GABRG1: variants seen among roughly 807,000 people sequenced by gnomAD.
GABRG1 encodes gamma-aminobutyric acid type A receptor subunit gamma1.
Under a neutral mutation model 49.8 loss-of-function variants are expected in GABRG1, and 49 were observed. The ratio of observed to expected loss-of-function variants is 0.98; its 90% CI spans 0.78 to 1.25. The LOEUF (loss-of-function observed/expected upper bound fraction) is 1.25, where lower values mean the gene tolerates loss of function less well. Ranked by LOEUF, GABRG1 falls within the 50% of genes most tolerant of loss-of-function variation. The probability of loss-of-function intolerance (pLI) is 0.00; values close to 1 mark genes in which losing one functional copy is unlikely to be tolerated. For missense variants in GABRG1, 552 were observed against 552.3 expected (o/e 1.00, Z 0.01); for synonymous variants, 232 against 185.1 (o/e 1.25, Z -2.06).
intron 5 of GABRG1, among the ~76,000 whole-genome samples, chr4:46,059,880 A>C (rs563163738): frequency 6.6e-6 from 1 of 152,274 alleles, no homozygotes; most frequent in African/African-American, 2.4e-5. Context: ...TATGTTTATT[A>C]GAATTTTGGA....
At chr4:46,104,378 T>A (rs192581090) in intron 1 of GABRG1, among the ~76,000 whole-genome samples, 98 of 151,656 alleles carry the variant, frequency 6.5e-4, no homozygotes, top group Non-Finnish European at 5.3e-4. Flanking sequence ...GCCTCAGATA[T>A]TATAAATGTT....
chr4:46,090,955 TACACAC>T (rs61288916), intron 2 of GABRG1, among the ~76,000 whole-genome samples: 2,976 of 131,132 alleles, frequency 0.023, 43 homozygotes, highest in Middle Eastern at 0.081. Flanking sequence ...CACACACACA[TACACAC>T]ACACACACAC....
intron 8 of GABRG1, among the ~76,000 whole-genome samples, chr4:46,048,408 AAG>A (rs1172267532): frequency 6.7e-6 from 1 of 150,254 alleles, no homozygotes; most frequent in Non-Finnish European, 1.5e-5. Flanking sequence ...GGAAGGAAGG[AAG>A]GAAGGAAGGA....
intron 2 of GABRG1, among the ~76,000 whole-genome samples, chr4:46,091,069 T>C (rs1577658984): frequency 6.6e-6 from 1 of 152,000 alleles, no homozygotes; most frequent in East Asian, 1.9e-4. Context: ...ACGTATGTGA[T>C]GTTGACAAAC....
chr4:46,043,210 AGTT>A (rs747104591), intron 8 of GABRG1, among the ~76,000 whole-genome samples: 11 of 152,028 alleles, frequency 7.2e-5, no homozygotes, highest in Non-Finnish European at 1.3e-4. Context: ...AGAGGATATT[AGTT>A]GTTCATGAGA....
chr4:46,108,169 T>C (rs970341451), intron 1 of GABRG1, among the ~76,000 whole-genome samples: 4 of 151,080 alleles, frequency 2.6e-5, no homozygotes, highest in Non-Finnish European at 4.5e-5. Context: ...ACATATAGTA[T>C]TGGGGAATTT....
rs746436237 is a variant in GABRG1, at chr4:46,123,850, T to A, written c.64A>T (p.Arg22Trp). ...FLLRSQSRGV[R>W]LVFLLLTLHL... ...AGGGTCAGTAACAAGAAGACCAACC[T>A]CACCCCTCTACTTTGACTCCGCAGA... is the stretch of plus-strand genomic sequence containing the variant. Residue 22 changes from arginine (R) to tryptophan (W), a missense_variant, in exon 1 of 9, where the codon AGG becomes TGG. Physicochemically the swap from Arg to Trp is moderately radical, Grantham distance 101 (BLOSUM62 -3). Coordinates refer to ENST00000295452, the MANE Select transcript of GABRG1 (RefSeq NM_173536.4). 6.2e-7 allele frequency: 1 copy of A among 1,613,644 alleles called. No homozygotes were observed. The highest frequency in any genetic ancestry group is 8.5e-7 in the Non-Finnish European group (1 of 1,179,762).
intron 8 of GABRG1, among the ~76,000 whole-genome samples, chr4:46,046,012 C>A (rs1283033102): frequency 6.6e-6 from 1 of 151,992 alleles, no homozygotes; most frequent in Non-Finnish European, 1.5e-5. Flanking sequence ...ATAATAATTA[C>A]AAGAATGTAA....
At chr4:46,102,070 A>C (rs1471467246) in intron 1 of GABRG1, among the ~76,000 whole-genome samples, 1 of 151,690 alleles carries the variant, frequency 6.6e-6, no homozygotes, top group African/African-American at 2.4e-5. Context: ...CTAAGAATGA[A>C]CTTCTTCTTA....
intron 1 of GABRG1, 142 bp from the exon 2 acceptor site, chr4:46,097,491 A>T: frequency 1.4e-6 from 1 of 701,142 alleles, no homozygotes; most frequent in Non-Finnish European, 2.2e-6. Flanking sequence ...ATTTAGTAAG[A>T]CCAATACATT....
chr4:46,101,354 G>A (rs969910686), intron 1 of GABRG1, among the ~76,000 whole-genome samples: 2 of 151,440 alleles, frequency 1.3e-5, no homozygotes, highest in African/African-American at 4.8e-5. Flanking sequence ...GTTCGGTTTT[G>A]AATTTCCTAA....
chr4:46,069,142 T>A (rs369144175), intron 3 of GABRG1, among the ~76,000 whole-genome samples: 3 of 152,106 alleles, frequency 2.0e-5, no homozygotes, highest in East Asian at 3.8e-4. Context: ...TCAATATTAC[T>A]GTCTTTCTAG....
chr4:46,100,248 A>C (rs1425447269), intron 1 of GABRG1, among the ~76,000 whole-genome samples: 1 of 151,608 alleles, frequency 6.6e-6, no homozygotes, highest in African/African-American at 2.4e-5. Context: ...ACATGTTCTC[A>C]TTTATAAGTT....
chr4:46,047,784 A>G (rs1718060219), intron 8 of GABRG1, among the ~76,000 whole-genome samples: 1 of 151,976 alleles, frequency 6.6e-6, no homozygotes, highest in African/African-American at 2.4e-5. Context: ...TCCTTGTTTA[A>G]TTTTGATCTT....
intron 3 of GABRG1, among the ~76,000 whole-genome samples, chr4:46,080,565 G>A (rs1398375594): frequency 6.6e-6 from 1 of 151,676 alleles, no homozygotes; most frequent in African/African-American, 2.4e-5. Context: ...AAGGTTACAA[G>A]TGTGTAATTT....
intron 7 of GABRG1, 28 bp from the exon 8 acceptor site, chr4:46,051,666 A>T (rs1718229311): frequency 7.4e-7 from 1 of 1,352,808 alleles, no homozygotes; most frequent in South Asian, 1.3e-5. Flanking sequence ...AAAACAGGAA[A>T]TGAAAATTAA....
At chr4:46,060,438 C>T (rs560521719) in intron 5 of GABRG1, among the ~76,000 whole-genome samples, 4 of 152,130 alleles carry the variant, frequency 2.6e-5, no homozygotes, top group African/African-American at 7.2e-5. Flanking sequence ...AGGTCAAAAT[C>T]GGCTGCAACT....
rs1560351311 is a variant in GABRG1, at chr4:46,056,145, AT to A, written c.916+2071del. 3.5e-3 allele frequency among the ~76,000 whole-genome samples: 63 copies of A among 17,854 alleles called. 2 individuals are homozygous for A. The highest frequency in any genetic ancestry group is 0.011 in the African/African-American group (16 of 1,514). 11.7% of individuals were successfully genotyped at this position (17,854 alleles called of 152,430 possible). ...AAAGGAAAAAAAAAAAAATAAATAA[AT>A]AAATTAAAAAAAAAAAAAAAAAAAA... is the stretch of plus-strand genomic sequence containing the variant. On this transcript the variant is annotated intron_variant, in intron 7 of 8. Transcript: ENST00000295452.
intron 1 of GABRG1, among the ~76,000 whole-genome samples, chr4:46,110,717 G>T (rs1055574235): frequency 1.3e-5 from 2 of 151,024 alleles, no homozygotes; most frequent in African/African-American, 4.8e-5. Context: ...ATGAATAAAT[G>T]TGATTCATCA....
Sources: allele counts gnomAD v4.1 joint callset (sites outside exome capture counted in the v4.1 genomes callset), GRCh38; gene constraint gnomAD v4.1.1; transcripts MANE v1.5; gene names NCBI Gene and HGNC (gene_info 2026-07-23, HGNC 2026-07-21).